Variants in ANK1 observed in about 807,000 individuals in gnomAD.
ANK1 encodes ankyrin 1.
A neutral mutation model predicts 210.4 loss-of-function variants in ANK1; 51 were observed. The observed-to-expected ratio is 0.24, with a 90% CI of 0.19 to 0.31. The LOEUF is 0.31. Ranked by LOEUF, ANK1 falls within the 10% of genes least tolerant of loss-of-function variation. ANK1 has a pLI of 1.00. For synonymous variants in ANK1, 967 were observed against 1,025.9 expected (o/e 0.94, Z 1.10); for missense variants, 2,051 against 2,504.4 (o/e 0.82, Z 3.86).
chr8:41,836,459 AGCCGT>A (rs1316210984), intron 1 of ANK1, among the ~76,000 whole-genome samples: 1 of 152,254 alleles, frequency 6.6e-6, no homozygotes, highest in Non-Finnish European at 1.5e-5. Context: ...CTGTGAGCAC[AGCCGT>A]GCTGGGCCCT....
chr8:41,752,939 G>A (rs1043073102), intron 2 of ANK1, among the ~76,000 whole-genome samples: 1 of 152,124 alleles, frequency 6.6e-6, no homozygotes, highest in Non-Finnish European at 1.5e-5. Flanking sequence ...AGAAAGACTG[G>A]AATCCTTCAT....
intron 1 of ANK1, among the ~76,000 whole-genome samples, chr8:41,852,639 C>T (rs1221371292): frequency 6.6e-6 from 1 of 152,244 alleles, no homozygotes; most frequent in African/African-American, 2.4e-5. Flanking sequence ...CTCATTTCAT[C>T]CCTTAAGCAG....
chr8:41,892,559 C>T (rs759198478), intron 1 of ANK1, among the ~76,000 whole-genome samples: 7 of 152,202 alleles, frequency 4.6e-5, no homozygotes, highest in Non-Finnish European at 7.3e-5. Context: ...AGCAGAGACC[C>T]TGCAAGGAAC....
intron 1 of ANK1, among the ~76,000 whole-genome samples, chr8:41,781,544 C>A (rs1845331210): frequency 6.6e-6 from 1 of 152,250 alleles, no homozygotes; most frequent in South Asian, 2.1e-4. Context: ...TCTACACACA[C>A]TGCTGTTGTC....
intron 42 of ANK1, chr8:41,660,868 C>A: frequency 3.4e-6 from 1 of 294,580 alleles, no homozygotes. Flanking sequence ...CAGTCCAGTC[C>A]TCAGTCTTGG....
chr8:41,884,103 A>G (rs1818043014), intron 1 of ANK1, among the ~76,000 whole-genome samples: 1 of 152,166 alleles, frequency 6.6e-6, no homozygotes, highest in Non-Finnish European at 1.5e-5. Context: ...TAATCCCAGC[A>G]CTTTGGGAGG....
chr8:41,668,150 T>C (rs959615730), intron 39 of ANK1, 117 bp downstream of exon 39: 29 of 1,427,202 alleles, frequency 2.0e-5, no homozygotes, highest in Middle Eastern at 2.4e-4. Context: ...CCACAAGTGT[T>C]AAAGGAAGGG....
rs145740978 is a variant in ANK1 at position 41,697,648 on chromosome 8, G to A, written c.2637+395C>T. 1.0e-3 allele frequency: 353 copies of A among 344,288 alleles called. 3 individuals are homozygous for A. Among genetic ancestry groups the A allele is most frequent in the African/African-American group, 7.1e-3 (331 of 46,912 alleles). 21.3% of individuals were successfully genotyped at this position (344,288 alleles called of 1,614,324 possible). ...GTTGGGCCCCGGCTCCCAGGAGGCA[G>A]GTGTCCAGCCCTCCTGCCTGAGCCT... On this transcript the variant is annotated intron_variant, in intron 24 of 42. Transcript: ENST00000289734.
chr8:41,747,343 C>G (rs879579133), intron 2 of ANK1, among the ~76,000 whole-genome samples: 1 of 152,018 alleles, frequency 6.6e-6, no homozygotes, highest in Non-Finnish European at 1.5e-5. Context: ...AGGCCCAGAC[C>G]GAGTGTCATT....
chr8:41,810,811 C>T (rs1410586397), intron 1 of ANK1, among the ~76,000 whole-genome samples: 5 of 152,232 alleles, frequency 3.3e-5, no homozygotes, highest in Non-Finnish European at 7.3e-5. Flanking sequence ...ACTTCCCACA[C>T]CTGTCTCCCC....
Position 41,816,314 on chromosome 8 carries a change from C to G in ANK1, c.127-58177G>C, listed in dbSNP as rs148886779. On this transcript the variant is annotated intron_variant, in intron 1 of 42. Transcript: ENST00000265709. ...AATGGACACTGCAGTTTTACTTGCACAGTTGCTCTTAGGTTGAACCCATAG... is the reference window on the plus strand; with the variant it reads ...AATGGACACTGCAGTTTTACTTGCAGAGTTGCTCTTAGGTTGAACCCATAG... Among the ~76,000 whole-genome samples the G allele has an allele frequency of 4.5e-4, 69 of 152,342 alleles. 1 individual carries two copies. Among genetic ancestry groups the G allele is most frequent in the African/African-American group, 1.6e-3 (65 of 41,588 alleles).
intron 1 of ANK1, among the ~76,000 whole-genome samples, chr8:41,820,327 ATGTG>A (rs56359274): frequency 0.031 from 4,403 of 142,548 alleles, 79 homozygotes; most frequent in East Asian, 0.058. Context: ...ACCAAGCTAA[ATGTG>A]TGTGTGTGTG....
chr8:41,700,329 A>G, intron 22 of ANK1: 7 of 1,286,706 alleles, frequency 5.4e-6, no homozygotes, highest in Non-Finnish European at 7.8e-6. Flanking sequence ...TAGCTGTCAG[A>G]GGAAGATGGA....
chr8:41,688,020 A>C, intron 35 of ANK1, 136 bp downstream of exon 35: 1 of 1,112,008 alleles, frequency 9.0e-7, no homozygotes. Context: ...CAGCAGACCC[A>C]GCTCAGACAA....
Position 41,873,294 on chromosome 8 carries a change from T to A in ANK1, c.126+23061A>T, listed in dbSNP as rs1587549651. On this transcript the variant is annotated intron_variant, in intron 1 of 42. Transcript: ENST00000265709. The stretch of plus-strand genomic sequence containing the variant: ...AGAATGGTTTTGAAGTCATATTTGG[T>A]CCATCACATCCTGACAGTGCCGCTT... Among the ~76,000 whole-genome samples the A allele has an allele frequency of 2.0e-5, 3 of 152,212 alleles. 1 individual carries two copies. The highest frequency in any genetic ancestry group is 1.9e-4 in the East Asian group (1 of 5,194).
At chr8:41,826,579 A>C (rs570479880) in intron 1 of ANK1, among the ~76,000 whole-genome samples, 6 of 152,306 alleles carry the variant, frequency 3.9e-5, no homozygotes, top group South Asian at 2.1e-4. Flanking sequence ...ATAAGGAACA[A>C]CATTTTCTTT....
At position 41,797,599 on chromosome 8, in the gene ANK1, G is replaced by C; in HGVS notation, c.-61C>G. ...GGGGGCTTGAGGAGGAGCAGCTGGGGCTGGCGGACTCACCGCAGCCTCTGC... is the reference window on the plus strand; with the variant it reads ...GGGGGCTTGAGGAGGAGCAGCTGGGCCTGGCGGACTCACCGCAGCCTCTGC... On this transcript the variant is annotated 5_prime_UTR_variant, in exon 1 of 43. Transcript: ENST00000289734. This position sits in a 1 kb window ranked among gnomAD's most constrained non-coding sequence, Gnocchi z 4.0. 1.2e-6 allele frequency: 2 copies of C among 1,607,384 alleles called. No individual in the cohort carries two copies. Among genetic ancestry groups the C allele is most frequent in the South Asian group, 2.2e-5 (2 of 90,032 alleles).
intron 1 of ANK1, among the ~76,000 whole-genome samples, chr8:41,780,075 AC>A (rs1025133091): frequency 6.6e-6 from 1 of 152,184 alleles, no homozygotes; most frequent in African/African-American, 2.4e-5. Flanking sequence ...CCAAGTGCCT[AC>A]CCTGTGCTGA....
chr8:41,875,828 T>C (rs775907011), intron 1 of ANK1, among the ~76,000 whole-genome samples: 6 of 152,152 alleles, frequency 3.9e-5, no homozygotes, highest in Non-Finnish European at 7.4e-5. Context: ...GTTTTGTAGA[T>C]GATCTAGTGT....
Sources: gnomAD v4.1 joint callset for allele counts (sites outside exome capture counted in the v4.1 genomes callset) on GRCh38, gnomAD v4.1.1 for gene constraint, Gnocchi (gnomAD v3.1) non-coding constraint, MANE v1.5 for transcripts, NCBI Gene and HGNC (gene_info 2026-07-23, HGNC 2026-07-21) for gene names.